Variants in SLC19A3 observed in about 807,000 individuals in gnomAD.
SLC19A3 encodes solute carrier family 19 member 3, also known as thiamine transporter 2.
Under a neutral mutation model 40.2 loss-of-function variants are expected in SLC19A3, and 31 were observed. The ratio of observed to expected loss-of-function variants is 0.77; its 90% confidence interval spans 0.58 to 1.04. SLC19A3 has a LOEUF of 1.04. Among genes scored for constraint, SLC19A3 ranks in the 50% least tolerant of loss-of-function variants. The pLI is 0.00. For missense variants in SLC19A3, 592 were observed against 596.7 expected (o/e 0.99, Z 0.08); for synonymous variants, 212 against 227.5 (o/e 0.93, Z 0.61).
At chr2:227,697,869 A>G (rs1695499989) in intron 3 of SLC19A3, among the ~76,000 whole-genome samples, 2 of 151,846 alleles carry the variant, frequency 1.3e-5, no homozygotes, top group African/African-American at 4.8e-5. Flanking sequence ...TGAGGTCAAG[A>G]GATTGAGACC....
At chr2:227,700,178 A>G (rs1182058862) in intron 2 of SLC19A3, among the ~76,000 whole-genome samples, 1 of 151,558 alleles carries the variant, frequency 6.6e-6, no homozygotes, top group Non-Finnish European at 1.5e-5. Context: ...TGCCCGGCCC[A>G]AGATTCTTAA....
Position 227,684,962 on chromosome 2 carries a change from G to GAC in SLC19A3, c.*2433_*2434dup, listed in dbSNP as rs1694960421. Reference sequence around the variant, plus strand: ...TGCGTCATTGCACTCCAGCCTGGGTGACAGAGCAAGATTCTATCAAAAAAA... The same window carrying GAC: ...TGCGTCATTGCACTCCAGCCTGGGTGACACAGAGCAAGATTCTATCAAAAAAA... On this transcript the variant is annotated 3_prime_UTR_variant, in exon 6 of 6. Coordinates refer to ENST00000644224, the MANE Select transcript of SLC19A3 (RefSeq NM_025243.4). 2.1e-5 allele frequency: 2 copies of GAC among 96,312 alleles called. No homozygotes were observed. The highest frequency in any genetic ancestry group is 3.6e-4 in the Admixed American group (2 of 5,572). The allele number at this position is 96,312 out of a possible 1,614,324, so 6.0% of individuals were successfully genotyped here.
rs1694959918 is a variant in SLC19A3, at chr2:227,684,948, A to G, written c.*2449T>C. On this transcript the variant is annotated 3_prime_UTR_variant, in exon 6 of 6. Transcript: ENST00000644224. ...CAGTGAGCTGACATTGCGTCATTGC[A>G]CTCCAGCCTGGGTGACAGAGCAAGA... 1 of 122,928 alleles carries G rather than the reference A, an allele frequency of 8.1e-6. No individual in the cohort carries two copies. The highest frequency in any genetic ancestry group is 3.0e-4 in the South Asian group (1 of 3,326). The allele number at this position is 122,928 out of a possible 1,614,324, so 7.6% of individuals were successfully genotyped here.
At chr2:227,706,261 T>C in intron 1 of SLC19A3, 1 of 1,218,878 alleles carries the variant, frequency 8.2e-7, no homozygotes. Flanking sequence ...GTCCCTTTGC[T>C]TCCACTGCTT....
chr2:227,703,168 A>G lies in SLC19A3; in HGVS notation c.-2-848T>C, dbSNP rs1574567164. Among the ~76,000 whole-genome samples the G allele has an allele frequency of 6.6e-6, 1 of 152,278 alleles. No homozygotes were observed. The highest frequency in any genetic ancestry group is 1.9e-4 in the East Asian group (1 of 5,180). ...AATGACAACCACAGTGAGGGAAAAAACGTGTATTTATAAACACATTCACAC... is the reference window on the plus strand; with the variant it reads ...AATGACAACCACAGTGAGGGAAAAAGCGTGTATTTATAAACACATTCACAC... On this transcript the variant is annotated intron_variant, in intron 1 of 5. Coordinates refer to ENST00000644224, the MANE Select transcript of SLC19A3 (RefSeq NM_025243.4). The surrounding 1 kb of genome is among the most constrained non-coding windows in gnomAD (Gnocchi z 4.7).
At chr2:227,698,668 T>C in intron 3 of SLC19A3, 68 bp downstream of exon 3, 2 of 1,374,474 alleles carry the variant, frequency 1.5e-6, no homozygotes. Flanking sequence ...GCCATGAAGT[T>C]CGGTACCTGG....
Position 227,699,014 on chromosome 2 carries a change from G to A in SLC19A3, c.701C>T (p.Thr234Ile), listed in dbSNP as rs763445769. The change falls in exon 3 of 6, where the codon ACA becomes ATA. Residue 234 changes from threonine to isoleucine, a missense_variant. Coordinates refer to ENST00000644224, the MANE Select transcript of SLC19A3 (RefSeq NM_025243.4). ...EAPGCEEQKP[T>I]SEILSTSGKL... ...CCCTGAAGTGCTGAGTATTTCTGAT[G>A]TGGGTTTCTGCTCTTCACAGCCTGG... The A allele has an allele frequency of 1.2e-6, 2 of 1,614,244 alleles. No individual in the cohort carries two copies. Among genetic ancestry groups the A allele is most frequent in the African/African-American group, 2.7e-5 (2 of 75,068 alleles).
intron 4 of SLC19A3, among the ~76,000 whole-genome samples, chr2:227,694,685 TAAA>T (rs1266450865): frequency 6.6e-6 from 1 of 152,192 alleles, no homozygotes; most frequent in Non-Finnish European, 1.5e-5. Flanking sequence ...ATCATTTTCT[TAAA>T]GAGATCTCTG....
Position 227,699,267 on chromosome 2 carries a change from C to G in SLC19A3, c.448G>C (p.Ala150Pro). The stretch of plus-strand genomic sequence containing the variant: ...GCCAGCACCGACCCTGCTGTGTAGG[C>G]GGCCAGCGTGACGCTCCTGCAGTAG... ...SGYCRSVTLA[A>P]YTAGSVLAQL... The change falls in exon 3 of 6, where the codon GCC becomes CCC. Residue 150 changes from alanine (A) to proline (P), a missense_variant. By Grantham distance (27) the Ala-to-Pro change is conservative (BLOSUM62 -1). Coordinates refer to ENST00000644224, the MANE Select transcript of SLC19A3 (RefSeq NM_025243.4). The G allele has an allele frequency of 2.5e-6, 4 of 1,614,048 alleles. No individual in the cohort carries two copies. The highest frequency in any genetic ancestry group is 3.4e-6 in the Non-Finnish European group (4 of 1,179,950).
At position 227,686,822 on chromosome 2, in the gene SLC19A3, C is replaced by A. The variant is rs528139519; in HGVS notation, c.*575G>T. On this transcript the variant is annotated 3_prime_UTR_variant, in exon 6 of 6. Transcript: ENST00000644224. ...AAATAATAATACTATCAAATCATAA[C>A]GTGAATAATGCTGTTATTAGAGTTG... 2.6e-5 allele frequency: 4 copies of A among 152,262 alleles called. No homozygotes were observed. The highest frequency in any genetic ancestry group is 1.3e-4 in the Admixed American group (2 of 15,304). 9.4% of individuals were successfully genotyped at this position (152,262 alleles called of 1,614,324 possible).
chr2:227,696,059 C>T lies in SLC19A3; in HGVS notation c.1002G>A (p.Val334=). Residue 334 remains valine, a synonymous_variant, in exon 4 of 6, where the codon GTG becomes GTA. Transcript: ENST00000644224. ...TFGGAVAAFA[V]GYVKVNWDLL... ...GGTCCCAGTTGACTTTCACATAACC[C>T]ACTGCAAAGGCAGCCACAGCCCCTG... 1 of 1,605,462 alleles carries T rather than the reference C, an allele frequency of 6.2e-7. No individual in the cohort carries two copies. The highest frequency in any genetic ancestry group is 8.5e-7 in the Non-Finnish European group (1 of 1,178,036).
Position 227,699,010 on chromosome 2 carries a change from T to C in SLC19A3, c.705A>G (p.Ser235=). The C allele has an allele frequency of 1.2e-6, 2 of 1,614,258 alleles. No homozygotes were observed. The highest frequency in any genetic ancestry group is 1.7e-6 in the Non-Finnish European group (2 of 1,180,032). ...GCTTCCCTGAAGTGCTGAGTATTTC[T>C]GATGTGGGTTTCTGCTCTTCACAGC... ...APGCEEQKPT[S]EILSTSGKLN... Residue 235 remains serine, a synonymous_variant, in exon 3 of 6, where the codon TCA becomes TCG. Coordinates refer to ENST00000644224, the MANE Select transcript of SLC19A3 (RefSeq NM_025243.4).
chr2:227,707,058 G>A (rs1472703104), intron 1 of SLC19A3, among the ~76,000 whole-genome samples: 1 of 152,162 alleles, frequency 6.6e-6, no homozygotes, highest in Non-Finnish European at 1.5e-5. Flanking sequence ...GACCCTGGGC[G>A]GGTCTCCCTG....
At chr2:227,690,706 CAAA>C (rs34163746) in intron 4 of SLC19A3, among the ~76,000 whole-genome samples, 5 of 39,162 alleles carry the variant, frequency 1.3e-4, no homozygotes, top group South Asian at 3.5e-3. Flanking sequence ...GACTCCATCT[CAAA>C]AAAAAAAAAA....
At chr2:227,700,306 A>T (rs1188945904) in intron 2 of SLC19A3, among the ~76,000 whole-genome samples, 1 of 151,960 alleles carries the variant, frequency 6.6e-6, no homozygotes, top group African/African-American at 2.4e-5. Context: ...TGGGAGGCCG[A>T]GGCAGGCAGA....
At chr2:227,701,001 TC>T (rs1431185393) in intron 2 of SLC19A3, 12 of 1,304,186 alleles carry the variant, frequency 9.2e-6, no homozygotes, top group Non-Finnish European at 1.2e-5. Context: ...GGAGGGAAGG[TC>T]TGTTAACTGG....
chr2:227,696,478 T>G (rs895195819), intron 3 of SLC19A3, among the ~76,000 whole-genome samples: 1 of 152,240 alleles, frequency 6.6e-6, no homozygotes, highest in African/African-American at 2.4e-5. Context: ...CCTCTCTATT[T>G]GCCTTTCTTT....
At chr2:227,692,748 G>C (rs1399570599) in intron 4 of SLC19A3, among the ~76,000 whole-genome samples, 1 of 152,146 alleles carries the variant, frequency 6.6e-6, no homozygotes, top group African/African-American at 2.4e-5. Context: ...ACATTGGAAA[G>C]GATCAAGTCA....
chr2:227,701,052 G>C, intron 2 of SLC19A3: 1 of 1,304,180 alleles, frequency 7.7e-7, no homozygotes, highest in Non-Finnish European at 1.0e-6. Context: ...TGGATTCATT[G>C]AGTTGCTTCT....
Sources: allele counts gnomAD v4.1 joint callset (sites outside exome capture counted in the v4.1 genomes callset), GRCh38; gene constraint gnomAD v4.1.1; non-coding constraint Gnocchi (gnomAD v3.1); transcripts MANE v1.5; gene names NCBI Gene and HGNC (gene_info 2026-07-23, HGNC 2026-07-21).